The following ARHGEF9 variants were observed in gnomAD, a reference collection of about 807,000 sequenced individuals.
The protein encoded by ARHGEF9 is Cdc42 guanine nucleotide exchange factor 9, also known as rho guanine nucleotide exchange factor 9.
Under a neutral mutation model 41.3 loss-of-function variants are expected in ARHGEF9, and 2 were observed. The observed-to-expected ratio is 0.05, with a 90% confidence interval of 0.02 to 0.15. The LOEUF (loss-of-function observed/expected upper bound fraction) is 0.15, where lower values mean the gene tolerates loss of function less well. ARHGEF9 is among the 10% of genes least tolerant of loss of function. The pLI is 1.00. For missense variants in ARHGEF9, 225 were observed against 424.7 expected (o/e 0.53, Z 4.13); for synonymous variants, 160 against 154.4 (o/e 1.04, Z -0.27).
chrX:63,648,177 A>C (rs1470514079), intron 8 of ARHGEF9, among the ~76,000 whole-genome samples: 1 of 111,571 alleles, frequency 9.0e-6, no homozygotes, highest in Non-Finnish European at 1.9e-5. Context: ...AATGAAGGAA[A>C]AAATGTTAAG....
chrX:63,635,569 C>G lies in ARHGEF9; in HGVS notation c.*2459G>C, dbSNP rs1459532495. 3.4e-5 allele frequency: 15 copies of G among 436,027 alleles called. No individual in the cohort carries two copies. The highest frequency in any genetic ancestry group is 5.6e-5 in the Non-Finnish European group (14 of 250,572). The allele number at this position is 436,027 out of a possible 1,213,427, so 35.9% of individuals were successfully genotyped here. On this transcript the variant is annotated 3_prime_UTR_variant, in exon 10 of 10. Coordinates refer to ENST00000671741, the MANE Select transcript of ARHGEF9 (RefSeq NM_001353921.2). Reference sequence around the variant, plus strand: ...GATGCTATAGGCTGAGGGAATACTCCAACCAATGGGGAAATGATTTCTTGT... The same window carrying G: ...GATGCTATAGGCTGAGGGAATACTCGAACCAATGGGGAAATGATTTCTTGT...
intron 1 of ARHGEF9, chrX:63,755,332 A>G (rs2055894642): frequency 1.4e-6 from 1 of 708,854 alleles, no homozygotes; most frequent in Non-Finnish European, 1.8e-6. Flanking sequence ...CTCTCCCCAG[A>G]CCGGCGAGAG....
intron 1 of ARHGEF9, among the ~76,000 whole-genome samples, chrX:63,760,509 G>A (rs1161127186): frequency 8.9e-6 from 1 of 111,933 alleles, no homozygotes; most frequent in Non-Finnish European, 1.9e-5. Context: ...GGATTTTACA[G>A]TTTAGTGGGA....
At chrX:63,727,077 A>T (rs782050384) in intron 1 of ARHGEF9, 2 of 111,833 alleles carry the variant, frequency 1.8e-5, no homozygotes, top group South Asian at 7.5e-4. Context: ...GCATTGTTAG[A>T]ACTCAGTAAG....
Position 63,635,208 on chromosome X carries a change from T to A in ARHGEF9, c.*2820A>T. 5 of 303,751 alleles carry A rather than the reference T, an allele frequency of 1.6e-5. No homozygotes were observed. Among genetic ancestry groups the A allele is most frequent in the Admixed American group, 5.0e-5 (1 of 19,973 alleles). The allele number at this position is 303,751 out of a possible 1,213,427, so 25.0% of individuals were successfully genotyped here. On this transcript the variant is annotated 3_prime_UTR_variant, in exon 10 of 10. Transcript: ENST00000671741. ...TCCCCAAAGCACTAAAAGATCACTA[T>A]TTGGCTTCACACTAGAATTGTTAGA...
At chrX:63,764,759 A>G (rs2056086851) in intron 1 of ARHGEF9, among the ~76,000 whole-genome samples, 1 of 110,956 alleles carries the variant, frequency 9.0e-6, no homozygotes. Context: ...TATAAGTGGG[A>G]GCTGAATGAT....
At position 63,697,317 on chromosome X, in the gene ARHGEF9, A is replaced by G; in HGVS notation, c.403-13T>C. ...GCTTCAGATAGCCCTGTAGACAAAG[A>G]AAAAGCCTAGGCTGAGGAAGTCCCT... On this transcript the variant is annotated splice_polypyrimidine_tract_variant and intron_variant, in intron 3 of 9. Transcript: ENST00000671741. The G allele has an allele frequency of 8.3e-7, 1 of 1,209,459 alleles. No individual in the cohort carries two copies. Among genetic ancestry groups the G allele is most frequent in the South Asian group, 1.8e-5 (1 of 56,930 alleles).
intron 4 of ARHGEF9, among the ~76,000 whole-genome samples, chrX:63,691,881 G>C (rs181714708): frequency 1.8e-5 from 2 of 111,301 alleles, no homozygotes; most frequent in Admixed American, 9.6e-5. Context: ...GAACAGAATA[G>C]AGAATCCCAA....
intron 7 of ARHGEF9, among the ~76,000 whole-genome samples, chrX:63,658,809 G>T (rs1415775453): frequency 8.9e-6 from 1 of 111,849 alleles, no homozygotes; most frequent in African/African-American, 3.2e-5. Context: ...AATTTACATA[G>T]CTGCCCCACT....
intron 9 of ARHGEF9, among the ~76,000 whole-genome samples, chrX:63,643,330 G>C (rs782549975): frequency 1.8e-5 from 2 of 110,306 alleles, no homozygotes; most frequent in African/African-American, 6.6e-5. Flanking sequence ...CCTCCAGACC[G>C]GTGACAGAAA....
chrX:63,653,793 T>C (rs545267679), intron 8 of ARHGEF9, among the ~76,000 whole-genome samples: 7 of 111,035 alleles, frequency 6.3e-5, no homozygotes, highest in African/African-American at 2.0e-4. Context: ...TGGTCATGCA[T>C]TAATTTTATA....
chrX:63,653,543 G>A (rs782122956), intron 8 of ARHGEF9, among the ~76,000 whole-genome samples: 12 of 110,758 alleles, frequency 1.1e-4, no homozygotes, highest in African/African-American at 3.9e-4. Flanking sequence ...ATTTATCTGG[G>A]GAGTTACTTA....
intron 1 of ARHGEF9, among the ~76,000 whole-genome samples, chrX:63,738,418 A>G (rs1939052348): frequency 8.9e-6 from 1 of 111,881 alleles, no homozygotes; most frequent in East Asian, 2.8e-4. Flanking sequence ...AATTTTAAAA[A>G]TAAGGTATCT....
At chrX:63,661,758 T>TTC (rs199903174) in intron 7 of ARHGEF9, among the ~76,000 whole-genome samples, 1,434 of 106,097 alleles carry the variant, frequency 0.014, 16 homozygotes, top group East Asian at 0.042. Context: ...TGCTCTCCTT[T>TTC]TCTCTCTCTC....
chrX:63,758,140 T>A (rs1388283357), intron 1 of ARHGEF9, among the ~76,000 whole-genome samples: 1 of 108,561 alleles, frequency 9.2e-6, no homozygotes, highest in African/African-American at 3.4e-5. Context: ...TTTTTTTTTT[T>A]TTTTGTCACT....
intron 2 of ARHGEF9, 61 bp from the exon 3 acceptor site, chrX:63,706,510 C>G: frequency 9.0e-7 from 1 of 1,116,713 alleles, no homozygotes; most frequent in Non-Finnish European, 1.2e-6. Context: ...GGTTTCCAGG[C>G]AAGTAGAAAA....
chrX:63,779,866 T>C (rs2056354072), intron 1 of ARHGEF9, among the ~76,000 whole-genome samples: 1 of 111,620 alleles, frequency 9.0e-6, no homozygotes, highest in Non-Finnish European at 1.9e-5. Flanking sequence ...TTTTCCCTTC[T>C]TCCTCTGTAT....
At chrX:63,659,989 C>A (rs1356424475) in intron 7 of ARHGEF9, among the ~76,000 whole-genome samples, 1 of 111,548 alleles carries the variant, frequency 9.0e-6, no homozygotes, top group African/African-American at 3.3e-5. Flanking sequence ...TTGGATATTT[C>A]TTAAATAACT....
intron 8 of ARHGEF9, among the ~76,000 whole-genome samples, chrX:63,654,269 T>C (rs1457763176): frequency 9.0e-6 from 1 of 111,680 alleles, no homozygotes; most frequent in Non-Finnish European, 1.9e-5. Flanking sequence ...TATTAGGGCA[T>C]TGTGTGGGAG....
Sources: gnomAD v4.1 joint callset for allele counts (sites outside exome capture counted in the v4.1 genomes callset) on GRCh38, gnomAD v4.1.1 for gene constraint, MANE v1.5 for transcripts, NCBI Gene and HGNC (gene_info 2026-07-23, HGNC 2026-07-21) for gene names.